RYR2: variants seen among roughly 807,000 people sequenced by gnomAD.
The protein encoded by RYR2 is ryanodine receptor 2, also known as cardiac muscle ryanodine receptor-calcium release channel.
Under a neutral mutation model 601.1 loss-of-function variants are expected in RYR2, and 227 were observed. The observed-to-expected ratio is 0.38, with a 90% CI of 0.34 to 0.42. The LOEUF (loss-of-function observed/expected upper bound fraction) is 0.42, where lower values mean the gene tolerates loss of function less well. Ranked by LOEUF, RYR2 falls within the 10% of genes least tolerant of loss-of-function variation. The pLI, the probability that RYR2 is intolerant of heterozygous loss-of-function variation, is 1.00. For missense variants in RYR2, 4,646 were observed against 6,156.5 expected, an observed-to-expected ratio of 0.75 and a Z score of 8.21; for synonymous variants, 2,223 against 2,175.1, an observed-to-expected ratio of 1.02 and a Z score of -0.61.
At chr1:237,801,808 C>T (rs1012741168) in intron 97 of RYR2, 48 bp from the exon 98 acceptor site, 2 of 1,238,680 alleles carry the variant, frequency 1.6e-6, no homozygotes, top group Non-Finnish European at 2.3e-6. Flanking sequence ...GCCTATGAGT[C>T]TTTGGTTAAT....
intron 1 of RYR2, among the ~76,000 whole-genome samples, chr1:237,072,573 T>C (rs6697811): frequency 0.16 from 23,613 of 152,058 alleles, 1,975 homozygotes; most frequent in African/African-American, 0.22. Flanking sequence ...ATGTCAGTTA[T>C]AAAGCTACTT....
rs187244933 is a variant in RYR2, at chr1:237,215,176, C to G, written c.49-55321C>G. Among the ~76,000 whole-genome samples, 174 of 152,196 alleles carry G rather than the reference C, an allele frequency of 1.1e-3. 2 individuals carry two copies. Among genetic ancestry groups the G allele is most frequent in the Middle Eastern group, 3.4e-3 (1 of 294 alleles). ...GCAACCTTGAAATTTGTTTTTTTCC[C>G]AGAATCATTTGAAAAACATTCCAGG... is the stretch of plus-strand genomic sequence containing the variant. On this transcript the variant is annotated intron_variant, in intron 1 of 104. Transcript: ENST00000366574.
At chr1:237,453,058 C>G (rs2392691) in intron 14 of RYR2, among the ~76,000 whole-genome samples, 79,343 of 151,832 alleles carry the variant, frequency 0.52, 22,137 homozygotes, top group East Asian at 0.74. Context: ...CACTTATTAA[C>G]AGTTGAGTTT....
intron 66 of RYR2, among the ~76,000 whole-genome samples, chr1:237,704,188 G>A (rs1204829804): frequency 6.6e-6 from 1 of 152,084 alleles, no homozygotes; most frequent in Admixed American, 6.6e-5. Context: ...TGAGTCCTAA[G>A]CCAGATGAAG....
chr1:237,268,626 T>C (rs1689309902), intron 1 of RYR2, among the ~76,000 whole-genome samples: 2 of 152,010 alleles, frequency 1.3e-5, no homozygotes, highest in Non-Finnish European at 2.9e-5. Flanking sequence ...TAAATATTGG[T>C]GCTACCATAT....
At chr1:237,095,543 C>T (rs1358178693) in intron 1 of RYR2, among the ~76,000 whole-genome samples, 1 of 152,220 alleles carries the variant, frequency 6.6e-6, no homozygotes, top group Non-Finnish European at 1.5e-5. Context: ...CTGCCGACAT[C>T]TCTTTCTCAC....
Position 237,687,487 on chromosome 1 carries a change from A to G in RYR2, c.9050A>G (p.His3017Arg), listed in dbSNP as rs777560001. Reference protein sequence around the residue: ...LFCKLGVLVRHRISLFGNDAT... With the variant: ...LFCKLGVLVRRRISLFGNDAT... ...TGCAAACTTGGAGTTCTTGTCAGGC[A>G]TAGGATTTCACTATTTGGTAAGGAG... Residue 3017 changes from histidine (H) to arginine (R), a missense_variant, in exon 63 of 105, where the codon CAT (histidine) becomes CGT (arginine). His to Arg is a conservative substitution (Grantham distance 29, BLOSUM62 0). Around this residue, in one of 17 missense-constraint regions of RYR2, gnomAD observed 1,497 missense variants for 1,842.6 expected, o/e 0.81. Transcript: ENST00000366574. 1.2e-5 allele frequency: 20 copies of G among 1,604,150 alleles called. No homozygotes were observed. The highest frequency in any genetic ancestry group is 1.7e-5 in the Admixed American group (1 of 58,698).
intron 1 of RYR2, among the ~76,000 whole-genome samples, chr1:237,184,353 T>C (rs1304398821): frequency 6.6e-6 from 1 of 152,212 alleles, no homozygotes; most frequent in African/African-American, 2.4e-5. Context: ...GATGAGAAGA[T>C]GCTGACTCAG....
chr1:237,111,445 G>A (rs921194180), intron 1 of RYR2, among the ~76,000 whole-genome samples: 16 of 152,076 alleles, frequency 1.1e-4, no homozygotes, highest in Admixed American at 4.6e-4. Flanking sequence ...AAAATTAGCC[G>A]GGCGCGGTGG....
chr1:237,149,320 A>AAAAC (rs1258490602), intron 1 of RYR2, among the ~76,000 whole-genome samples: 2 of 152,136 alleles, frequency 1.3e-5, no homozygotes, highest in African/African-American at 4.8e-5. Context: ...AACAAAAACA[A>AAAAC]AAACAAAAAA....
intron 42 of RYR2, among the ~76,000 whole-genome samples, chr1:237,632,795 T>C (rs1165498834): frequency 1.3e-5 from 2 of 152,208 alleles, no homozygotes; most frequent in Non-Finnish European, 2.9e-5. Flanking sequence ...TATAATTTTA[T>C]AACCTCTGAT....
At chr1:237,585,954 A>T (rs963141628) in intron 29 of RYR2, among the ~76,000 whole-genome samples, 1 of 152,240 alleles carries the variant, frequency 6.6e-6, no homozygotes, top group Non-Finnish European at 1.5e-5. Context: ...AATTACAAAC[A>T]TTCCCACTAC....
At chr1:237,482,831 G>C (rs1199040655) in intron 17 of RYR2, among the ~76,000 whole-genome samples, 3 of 152,128 alleles carry the variant, frequency 2.0e-5, no homozygotes, top group African/African-American at 7.2e-5. Flanking sequence ...GTGCAGGAGG[G>C]TTCCCTTTTC....
At chr1:237,209,284 A>C (rs1035263482) in intron 1 of RYR2, among the ~76,000 whole-genome samples, 1 of 151,748 alleles carries the variant, frequency 6.6e-6, no homozygotes, top group Non-Finnish European at 1.5e-5. Context: ...TTCCAAATTC[A>C]GTTTTGAAAA....
chr1:237,514,604 C>T (rs1225030873), intron 24 of RYR2, among the ~76,000 whole-genome samples: 3 of 152,122 alleles, frequency 2.0e-5, no homozygotes, highest in Non-Finnish European at 4.4e-5. Context: ...AGAGAAAGTA[C>T]AGTACTTTCT....
chr1:237,176,906 C>G (rs980583750), intron 1 of RYR2, among the ~76,000 whole-genome samples: 1 of 152,102 alleles, frequency 6.6e-6, no homozygotes, highest in African/African-American at 2.4e-5. Context: ...AACTGTGTAT[C>G]TACAACAAGT....
chr1:237,171,368 T>C (rs1677368348), intron 1 of RYR2, among the ~76,000 whole-genome samples: 1 of 152,120 alleles, frequency 6.6e-6, no homozygotes, highest in South Asian at 2.1e-4. Context: ...TTTTTGGAGG[T>C]AGAGGACTTT....
At chr1:237,782,114 C>T (rs1207934877) in intron 89 of RYR2, among the ~76,000 whole-genome samples, 1 of 151,392 alleles carries the variant, frequency 6.6e-6, no homozygotes, top group Non-Finnish European at 1.5e-5. Flanking sequence ...TAGTCTTGTT[C>T]TCCCCACCAC....
At chr1:237,715,587 A>T (rs954764447) in intron 71 of RYR2, among the ~76,000 whole-genome samples, 1 of 152,202 alleles carries the variant, frequency 6.6e-6, no homozygotes, top group Non-Finnish European at 1.5e-5. Context: ...ATTAAACCAG[A>T]TATAAGCTCC....
Sources: allele counts gnomAD v4.1 joint callset (sites outside exome capture counted in the v4.1 genomes callset), GRCh38; gene constraint gnomAD v4.1.1; regional missense constraint gnomAD v4.1.1; transcripts MANE v1.5; gene names NCBI Gene and HGNC (gene_info 2026-07-23, HGNC 2026-07-21).